NIPBL: variants seen among roughly 807,000 people sequenced by gnomAD.
NIPBL encodes the protein nipped-B-like protein.
Under a neutral mutation model 321.8 loss-of-function variants are expected in NIPBL, and 19 were observed. The observed-to-expected ratio is 0.06, with a 90% CI of 0.04 to 0.09. NIPBL has a LOEUF of 0.09. Ranked by LOEUF, NIPBL falls within the 10% of genes least tolerant of loss-of-function variation. The pLI is 1.00. For synonymous variants in NIPBL, 1,106 were observed against 1,114.1 expected, an observed-to-expected ratio of 0.99 and a Z score of 0.14; for missense variants, 2,210 against 3,327.0, an observed-to-expected ratio of 0.66 and a Z score of 8.26.
Position 37,064,935 on chromosome 5 carries a change from A to G in NIPBL, c.*43A>G. The stretch of plus-strand genomic sequence containing the variant: ...CCAAATTTACAGGAATTTTTTTAAA[A>G]GGCAGAAAAACTTGAAATACCAACA... On this transcript the variant is annotated 3_prime_UTR_variant, in exon 47 of 47. Transcript: ENST00000282516. 1 of 1,613,190 alleles carries G rather than the reference A, an allele frequency of 6.2e-7. No individual in the cohort carries two copies. The highest frequency in any genetic ancestry group is 8.5e-7 in the Non-Finnish European group (1 of 1,179,644).
intron 1 of NIPBL, among the ~76,000 whole-genome samples, chr5:36,952,070 GCGCA>G (rs1319879781): frequency 7.2e-6 from 1 of 139,226 alleles, no homozygotes; most frequent in African/African-American, 2.6e-5. Context: ...GCGCGCGCGC[GCGCA>G]TGTGTGTGTG....
At chr5:36,991,331 T>A (rs1019194736) in intron 10 of NIPBL, among the ~76,000 whole-genome samples, 50 of 152,234 alleles carry the variant, frequency 3.3e-4, no homozygotes, top group African/African-American at 6.0e-4. Context: ...GTTGTTATAG[T>A]AAAAGCTAAA....
intron 1 of NIPBL, among the ~76,000 whole-genome samples, chr5:36,921,880 T>G (rs1748970041): frequency 6.7e-6 from 1 of 149,614 alleles, no homozygotes; most frequent in African/African-American, 2.5e-5. Flanking sequence ...TTTTTGGTTT[T>G]GGGTTTTTTT....
intron 21 of NIPBL, among the ~76,000 whole-genome samples, chr5:37,014,238 GGGAGAA>G (rs987165029): frequency 6.8e-5 from 10 of 146,834 alleles, no homozygotes; most frequent in African/African-American, 2.2e-4. Context: ...GAGAGGGAGA[GGGAGAA>G]GGAGAGGGAG....
At chr5:36,967,687 C>A (rs1257165244) in intron 6 of NIPBL, among the ~76,000 whole-genome samples, 1 of 152,240 alleles carries the variant, frequency 6.6e-6, no homozygotes, top group African/African-American at 2.4e-5. Context: ...AAGATTAAAT[C>A]AATCTCTTTT....
intron 10 of NIPBL, among the ~76,000 whole-genome samples, chr5:36,987,411 C>T (rs1744944661): frequency 6.6e-6 from 1 of 152,130 alleles, no homozygotes; most frequent in African/African-American, 2.4e-5. Flanking sequence ...TGGCTGTTGG[C>T]TACCATATTG....
In NIPBL at chr5:36,997,798, AAC is replaced by A. The variant is rs3836805; in HGVS notation, c.3304+1996_3304+1997del. Among the ~76,000 whole-genome samples, 192 of 152,304 alleles carry A rather than the reference AAC, an allele frequency of 1.3e-3. No individual in the cohort carries two copies. In the East Asian group the frequency reaches 0.013, roughly 11 times the overall value. The stretch of plus-strand genomic sequence containing the variant: ...AACCAAATGGTCACACCACAACAGA[AAC>A]AGTGTATTGAAAATATAGCACAATA... On this transcript the variant is annotated intron_variant, in intron 11 of 46. Coordinates refer to ENST00000282516, the MANE Select transcript of NIPBL (RefSeq NM_133433.4).
At chr5:37,062,622 A>G (rs1754855581) in intron 45 of NIPBL, among the ~76,000 whole-genome samples, 1 of 152,298 alleles carries the variant, frequency 6.6e-6, no homozygotes, top group Admixed American at 6.5e-5. Flanking sequence ...ATACATTTAA[A>G]ATGGTTAAAC....
At chr5:36,984,167 TTC>T (rs1445216334) in intron 9 of NIPBL, among the ~76,000 whole-genome samples, 3 of 152,054 alleles carry the variant, frequency 2.0e-5, no homozygotes, top group Non-Finnish European at 2.9e-5. Flanking sequence ...GGTATATATT[TTC>T]TTTCTTTTTT....
chr5:37,036,502 A>G lies in NIPBL; in HGVS notation c.5971+15A>G, dbSNP rs929211939. The G allele has an allele frequency of 3.8e-6, 4 of 1,051,624 alleles. No individual in the cohort carries two copies. Among genetic ancestry groups the G allele is most frequent in the Non-Finnish European group, 5.5e-6 (4 of 732,648 alleles). The allele number at this position is 1,051,624 out of a possible 1,614,324, so 65.1% of individuals were successfully genotyped here. ...ATCTCTAGCTGGTAAGACATTTTAT[A>G]TATATATTGATCTTTAGTTGATTTT... On this transcript the variant is annotated intron_variant, in intron 33 of 46. Transcript: ENST00000282516.
At chr5:36,914,924 AATAC>A (rs2149550206) in intron 1 of NIPBL, among the ~76,000 whole-genome samples, 2 of 152,278 alleles carry the variant, frequency 1.3e-5, no homozygotes, top group African/African-American at 4.8e-5. Flanking sequence ...GCTACATTTA[AATAC>A]TATTTTAACC....
intron 45 of NIPBL, among the ~76,000 whole-genome samples, chr5:37,063,477 G>A (rs1049454748): frequency 1.3e-5 from 2 of 152,160 alleles, no homozygotes; most frequent in African/African-American, 4.8e-5. Flanking sequence ...GGCTGTTTTT[G>A]TATCTAACCC....
chr5:36,957,156 T>G (rs1741059398), intron 3 of NIPBL, among the ~76,000 whole-genome samples: 1 of 152,184 alleles, frequency 6.6e-6, no homozygotes, highest in Non-Finnish European at 1.5e-5. Flanking sequence ...AAACACTGCC[T>G]ATACTTAATT....
chr5:37,065,459 C>T lies in NIPBL; in HGVS notation c.*567C>T, dbSNP rs1420379962. On this transcript the variant is annotated 3_prime_UTR_variant, in exon 47 of 47. Coordinates refer to ENST00000282516, the MANE Select transcript of NIPBL (RefSeq NM_133433.4). ...ACAAGAAAAGGGATCCCCAGGTAAT[C>T]TGGTGGAGCGAATACTGCAATAAAT... 6.6e-6 allele frequency: 1 copy of T among 152,548 alleles called. No homozygotes were observed. The highest frequency in any genetic ancestry group is 1.5e-5 in the Non-Finnish European group (1 of 68,128). 9.4% of individuals were successfully genotyped at this position (152,548 alleles called of 1,614,324 possible). A position where few individuals can be genotyped will look rare whatever the true frequency, so the allele number is the denominator to read the frequency against.
intron 6 of NIPBL, among the ~76,000 whole-genome samples, chr5:36,965,457 A>G (rs561113626): frequency 2.6e-5 from 4 of 152,132 alleles, no homozygotes; most frequent in South Asian, 4.1e-4. Context: ...CATATGTGGC[A>G]ATTAAAGTGG....
chr5:37,061,756 ATTAC>A (rs754280260), intron 45 of NIPBL, among the ~76,000 whole-genome samples: 34 of 152,198 alleles, frequency 2.2e-4, no homozygotes, highest in Admixed American at 3.9e-4. Context: ...TCATTTCTAG[ATTAC>A]TTATAATACC....
chr5:36,925,965 A>C (rs988161301), intron 1 of NIPBL, among the ~76,000 whole-genome samples: 2 of 152,192 alleles, frequency 1.3e-5, no homozygotes, highest in African/African-American at 4.8e-5. Flanking sequence ...ATCATTTATG[A>C]ATATTTTCTT....
intron 1 of NIPBL, among the ~76,000 whole-genome samples, chr5:36,934,879 C>T (rs1379861010): frequency 1.3e-5 from 2 of 152,002 alleles, no homozygotes; most frequent in African/African-American, 4.8e-5. Flanking sequence ...TAGAGTCAAT[C>T]TAAGGTACAA....
intron 1 of NIPBL, among the ~76,000 whole-genome samples, chr5:36,893,935 A>C (rs564742751): frequency 6.6e-6 from 1 of 152,308 alleles, no homozygotes; most frequent in South Asian, 2.1e-4. Context: ...CAGTACTTCA[A>C]GTAAAATTAG....
Sources: allele counts gnomAD v4.1 joint callset (sites outside exome capture counted in the v4.1 genomes callset), GRCh38; gene constraint gnomAD v4.1.1; transcripts MANE v1.5; gene names NCBI Gene and HGNC (gene_info 2026-07-23, HGNC 2026-07-21).